CAMTA1: variants seen among roughly 807,000 people sequenced by gnomAD.
CAMTA1 encodes calmodulin-binding transcription activator 1.
CAMTA1 carries 27 observed loss-of-function variants against 170.9 expected under a neutral mutation model. The ratio of observed to expected loss-of-function variants is 0.16; its 90% CI spans 0.12 to 0.22. The LOEUF (loss-of-function observed/expected upper bound fraction) is 0.22, where lower values mean the gene tolerates loss of function less well. Among genes scored for constraint, CAMTA1 ranks in the 10% least tolerant of loss-of-function variants. The pLI, the probability that CAMTA1 is intolerant of heterozygous loss-of-function variation, is 1.00. For synonymous variants in CAMTA1, 833 were observed against 891.5 expected, an observed-to-expected ratio of 0.93 and a Z score of 1.17; for missense variants, 1,619 against 2,217.2, an observed-to-expected ratio of 0.73 and a Z score of 5.42.
intron 5 of CAMTA1, among the ~76,000 whole-genome samples, chr1:7,412,603 G>A (rs2090859778): frequency 1.4e-5 from 2 of 145,882 alleles, no homozygotes; most frequent in African/African-American, 4.8e-5. Flanking sequence ...TTTTGATGGG[G>A]TTGTTTTTTT....
chr1:7,041,215 C>T lies in CAMTA1; in HGVS notation c.235-50089C>T, dbSNP rs527274073. On this transcript the variant is annotated intron_variant, in intron 3 of 22. Transcript: ENST00000303635. The surrounding 1 kb of genome is among the most constrained non-coding windows in gnomAD (Gnocchi z 5.1). The stretch of plus-strand genomic sequence containing the variant: ...TTCTACACGAGGCCCCACACGGCCC[C>T]GGAGCTGGAGCTTCTACCGAAGGGT... Among the ~76,000 whole-genome samples, 3 of 152,374 alleles carry T rather than the reference C, an allele frequency of 2.0e-5. No homozygotes were observed. Among genetic ancestry groups the T allele is most frequent in the East Asian group, 1.9e-4 (1 of 5,182 alleles).
chr1:7,105,490 GC>G (rs1227288355), intron 4 of CAMTA1, among the ~76,000 whole-genome samples: 3 of 152,226 alleles, frequency 2.0e-5, no homozygotes, highest in Admixed American at 2.0e-4. Context: ...GGAGGCAGAG[GC>G]GGATCTGCGG....
At chr1:7,055,290 A>G (rs1558034003) in intron 3 of CAMTA1, among the ~76,000 whole-genome samples, 1 of 152,338 alleles carries the variant, frequency 6.6e-6, no homozygotes, top group East Asian at 1.9e-4. Context: ...CTCTTACTAA[A>G]TTAAGGAAAG....
At chr1:6,788,923 A>C (rs1053724167) in intron 1 of CAMTA1, among the ~76,000 whole-genome samples, 3 of 152,136 alleles carry the variant, frequency 2.0e-5, no homozygotes, top group Non-Finnish European at 4.4e-5. Flanking sequence ...GCTCTGTTGC[A>C]GTTGGGCAGA....
chr1:7,392,870 GATCAATCA>G (rs368458285), intron 5 of CAMTA1, among the ~76,000 whole-genome samples: 1 of 150,826 alleles, frequency 6.6e-6, no homozygotes, highest in Non-Finnish European at 1.5e-5. Context: ...ACTCTGTCTC[GATCAATCA>G]ATCAATCAAT....
chr1:6,826,865 A>T (rs1246910459), intron 3 of CAMTA1, among the ~76,000 whole-genome samples: 1 of 152,232 alleles, frequency 6.6e-6, no homozygotes, highest in Non-Finnish European at 1.5e-5. Context: ...TAGTTGGTAG[A>T]TTATTTCCAT....
intron 5 of CAMTA1, among the ~76,000 whole-genome samples, chr1:7,347,250 C>G (rs988481407): frequency 3.9e-5 from 6 of 152,270 alleles, no homozygotes; most frequent in African/African-American, 1.4e-4. Flanking sequence ...CAATGAGGCC[C>G]GGACTGTTCC....
intron 5 of CAMTA1, among the ~76,000 whole-genome samples, chr1:7,373,634 C>T (rs1337897836): frequency 6.6e-6 from 1 of 152,200 alleles, no homozygotes; most frequent in Non-Finnish European, 1.5e-5. Context: ...GACAACTTTG[C>T]TTTTTTGCCT....
chr1:7,449,936 C>T (rs2092781352), intron 5 of CAMTA1, among the ~76,000 whole-genome samples: 1 of 152,154 alleles, frequency 6.6e-6, no homozygotes, highest in South Asian at 2.1e-4. Flanking sequence ...CACTTCGCAA[C>T]AAGACCACCA....
chr1:7,508,618 T>C (rs1575708950), intron 6 of CAMTA1, among the ~76,000 whole-genome samples: 1 of 151,454 alleles, frequency 6.6e-6, no homozygotes, highest in African/African-American at 2.4e-5. Context: ...GCTCAGAGAA[T>C]ATTTGTTGAG....
chr1:7,232,968 T>C (rs1212572471), intron 4 of CAMTA1, among the ~76,000 whole-genome samples: 1 of 113,536 alleles, frequency 8.8e-6, no homozygotes, highest in African/African-American at 3.4e-5. Context: ...TTTTTTTCCC[T>C]CCCACCGAGA....
Position 7,111,906 on chromosome 1 carries a change from A to AC in CAMTA1, c.302+20535_302+20536insC, listed in dbSNP as rs1219080609. On this transcript the variant is annotated intron_variant, in intron 4 of 22. Coordinates refer to ENST00000303635, the MANE Select transcript of CAMTA1 (RefSeq NM_015215.4). ...TCTCCAAAAAAAAAAAAAAAAAAAAAAAAAAACCGAAGACTGAACTCCCAG... is the reference window on the plus strand; with the variant it reads ...TCTCCAAAAAAAAAAAAAAAAAAAAACAAAAAACCGAAGACTGAACTCCCAG... 1.2e-3 allele frequency among the ~76,000 whole-genome samples: 172 copies of AC among 139,480 alleles called. 8 individuals are homozygous for AC. Among genetic ancestry groups the AC allele is most frequent in the East Asian group, 3.9e-3 (19 of 4,856 alleles). 91.5% of individuals were successfully genotyped at this position (139,480 alleles called of 152,430 possible).
At chr1:7,480,550 T>C (rs547342008) in intron 6 of CAMTA1, among the ~76,000 whole-genome samples, 1 of 152,210 alleles carries the variant, frequency 6.6e-6, no homozygotes, top group East Asian at 1.9e-4. Context: ...GACCTCTGCC[T>C]TGCTATACCA....
intron 18 of CAMTA1, among the ~76,000 whole-genome samples, chr1:7,746,690 T>C (rs962398572): frequency 1.3e-5 from 2 of 152,222 alleles, no homozygotes; most frequent in East Asian, 1.9e-4. Context: ...GCTGGAGAAG[T>C]GCAGTGGTGC....
intron 4 of CAMTA1, among the ~76,000 whole-genome samples, chr1:7,099,708 C>T (rs1642497578): frequency 6.6e-6 from 1 of 152,150 alleles, no homozygotes; most frequent in East Asian, 1.9e-4. Flanking sequence ...AGCATCTCTA[C>T]ATTTTTTCTC....
intron 3 of CAMTA1, among the ~76,000 whole-genome samples, chr1:6,955,113 C>A (rs1264027875): frequency 1.3e-5 from 2 of 151,850 alleles, no homozygotes; most frequent in Non-Finnish European, 2.9e-5. Context: ...GAGCATCCGA[C>A]CTTTCCCTAA....
intron 5 of CAMTA1, among the ~76,000 whole-genome samples, chr1:7,428,245 C>T (rs1056992186): frequency 1.3e-5 from 2 of 152,040 alleles, no homozygotes; most frequent in Admixed American, 6.6e-5. Context: ...CACTGGAAGG[C>T]GAATTTCTAG....
At chr1:7,169,151 G>T (rs1029653715) in intron 4 of CAMTA1, among the ~76,000 whole-genome samples, 2 of 151,984 alleles carry the variant, frequency 1.3e-5, no homozygotes, top group African/African-American at 4.8e-5. Context: ...CTTGTTCATG[G>T]TTTATTATTT....
intron 6 of CAMTA1, among the ~76,000 whole-genome samples, chr1:7,483,637 G>A (rs1288525096): frequency 6.6e-6 from 1 of 152,196 alleles, no homozygotes; most frequent in Admixed American, 6.5e-5. Flanking sequence ...CCAGCGTCCT[G>A]AGGGAGGCTG....
Sources: gnomAD v4.1 joint callset for allele counts (sites outside exome capture counted in the v4.1 genomes callset) on GRCh38, gnomAD v4.1.1 for gene constraint, Gnocchi (gnomAD v3.1) non-coding constraint, MANE v1.5 for transcripts, NCBI Gene and HGNC (gene_info 2026-07-23, HGNC 2026-07-21) for gene names.